Variants in ROR1 observed in about 807,000 individuals in gnomAD.
ROR1 encodes the protein ROR family WNT receptor 1, also known as inactive tyrosine-protein kinase transmembrane receptor ROR1.
In ROR1, 19 loss-of-function variants were observed where a neutral mutation model predicts 78.8. The ratio of observed to expected loss-of-function variants is 0.24; its 90% CI spans 0.17 to 0.35. The LOEUF (loss-of-function observed/expected upper bound fraction) is 0.35, where lower values mean the gene tolerates loss of function less well. ROR1 is among the 10% of genes least tolerant of loss of function. ROR1 has a pLI of 1.00. For synonymous variants in ROR1, 386 were observed against 433.6 expected (o/e 0.89, Z 1.36); for missense variants, 917 against 1,177.8 (o/e 0.78, Z 3.24).
intron 1 of ROR1, among the ~76,000 whole-genome samples, chr1:63,851,692 A>C (rs567586423): frequency 6.6e-6 from 1 of 152,232 alleles, no homozygotes; most frequent in Non-Finnish European, 1.5e-5. Context: ...AATAATAAGC[A>C]TATGCAAACA....
At chr1:63,989,198 T>A (rs1191158925) in intron 1 of ROR1, among the ~76,000 whole-genome samples, 2 of 151,216 alleles carry the variant, frequency 1.3e-5, no homozygotes, top group Non-Finnish European at 2.9e-5. Flanking sequence ...TCTTTAGCGT[T>A]GTAATGGCAT....
chr1:63,811,756 A>G (rs1644860983), intron 1 of ROR1, among the ~76,000 whole-genome samples: 1 of 152,050 alleles, frequency 6.6e-6, no homozygotes, highest in Non-Finnish European at 1.5e-5. Flanking sequence ...TATGACATTG[A>G]TAAGCTAAGG....
chr1:63,933,879 C>T lies in ROR1; in HGVS notation c.92-75426C>T, dbSNP rs368496331. Among the ~76,000 whole-genome samples the T allele has an allele frequency of 2.1e-4, 32 of 152,252 alleles. No individual in the cohort carries two copies. In the East Asian group the frequency reaches 2.9e-3, roughly 14 times the overall value. ...AACATACAAGACCCAGAGCAAGTTC[C>T]GCACCTTCGTGTCTGGATGTGGGGT... On this transcript the variant is annotated intron_variant, in intron 1 of 8. Coordinates refer to ENST00000371079, the MANE Select transcript of ROR1 (RefSeq NM_005012.4).
chr1:64,020,927 A>T (rs1271594490), intron 2 of ROR1, among the ~76,000 whole-genome samples: 1 of 151,980 alleles, frequency 6.6e-6, no homozygotes, highest in Non-Finnish European at 1.5e-5. Flanking sequence ...CTCACTAATC[A>T]TCTCTTTAGT....
intron 4 of ROR1, among the ~76,000 whole-genome samples, chr1:64,122,927 A>C (rs1212768039): frequency 6.6e-6 from 1 of 152,160 alleles, no homozygotes; most frequent in African/African-American, 2.4e-5. Flanking sequence ...TTGACCAGTA[A>C]GAGGGAAGAA....
At chr1:63,954,907 G>A (rs961753513) in intron 1 of ROR1, among the ~76,000 whole-genome samples, 4 of 152,118 alleles carry the variant, frequency 2.6e-5, no homozygotes, top group South Asian at 4.2e-4. Context: ...TTCCATTATG[G>A]CAATGGAGAA....
chr1:63,911,380 G>A (rs1280577046), intron 1 of ROR1, among the ~76,000 whole-genome samples: 3 of 152,078 alleles, frequency 2.0e-5, no homozygotes, highest in South Asian at 2.1e-4. Flanking sequence ...GTTAGGAGCC[G>A]AGCCTCACAG....
intron 4 of ROR1, among the ~76,000 whole-genome samples, chr1:64,125,765 G>A (rs1358732498): frequency 6.6e-6 from 1 of 152,152 alleles, no homozygotes; most frequent in African/African-American, 2.4e-5. Flanking sequence ...TTCAAATGAG[G>A]GCTTGCTAAA....
intron 1 of ROR1, among the ~76,000 whole-genome samples, chr1:63,942,070 C>G (rs2100458040): frequency 6.6e-6 from 1 of 152,306 alleles, no homozygotes. Context: ...CCAGTGAAAC[C>G]TTTTTCTCCT....
Position 63,852,797 on chromosome 1 carries a change from A to T in ROR1, c.91+78289A>T, listed in dbSNP as rs1228847538. On this transcript the variant is annotated intron_variant, in intron 1 of 8. Transcript: ENST00000371079. ...TTCAGTCTTACCACATGTATTAACCATGGGAAACCTAGGGTGACATTTGCA... is the reference window on the plus strand; with the variant it reads ...TTCAGTCTTACCACATGTATTAACCTTGGGAAACCTAGGGTGACATTTGCA... Among the ~76,000 whole-genome samples, 5 of 152,192 alleles carry T rather than the reference A, an allele frequency of 3.3e-5. No homozygotes were observed. The South Asian group carries it at 1.0e-3, about 31-fold the overall frequency.
chr1:63,977,755 A>G (rs1274983461), intron 1 of ROR1, among the ~76,000 whole-genome samples: 1 of 152,202 alleles, frequency 6.6e-6, no homozygotes, highest in African/African-American at 2.4e-5. Flanking sequence ...TTCTGATGTT[A>G]CTTCAGGAAA....
At chr1:64,112,861 G>A (rs1181899790) in intron 4 of ROR1, among the ~76,000 whole-genome samples, 2 of 152,136 alleles carry the variant, frequency 1.3e-5, no homozygotes, top group Non-Finnish European at 1.5e-5. Context: ...CCGAATGCAA[G>A]ACCTGCATTT....
At chr1:63,815,771 G>A (rs970369782) in intron 1 of ROR1, among the ~76,000 whole-genome samples, 4 of 152,078 alleles carry the variant, frequency 2.6e-5, no homozygotes, top group African/African-American at 9.7e-5. Flanking sequence ...TCAGGGGTGA[G>A]TATGGAATCA....
intron 1 of ROR1, among the ~76,000 whole-genome samples, chr1:63,887,736 AG>A (rs1407298548): frequency 6.6e-6 from 1 of 152,218 alleles, no homozygotes; most frequent in African/African-American, 2.4e-5. Context: ...AGCTAGAAGC[AG>A]CTTTCTCCCA....
chr1:63,819,037 C>T (rs940904247), intron 1 of ROR1, among the ~76,000 whole-genome samples: 2 of 152,092 alleles, frequency 1.3e-5, no homozygotes, highest in African/African-American at 4.8e-5. Flanking sequence ...GCTACCAGAA[C>T]CTTGTAAAGA....
chr1:63,862,840 G>A (rs1003298380), intron 1 of ROR1, among the ~76,000 whole-genome samples: 4 of 152,056 alleles, frequency 2.6e-5, no homozygotes, highest in Non-Finnish European at 5.9e-5. Flanking sequence ...GTTACCGTGA[G>A]GATTAAGTGA....
At chr1:64,037,316 C>T (rs1646710381) in intron 2 of ROR1, among the ~76,000 whole-genome samples, 1 of 152,168 alleles carries the variant, frequency 6.6e-6, no homozygotes, top group African/African-American at 2.4e-5. Flanking sequence ...AAAAAATGAA[C>T]ACTTTTCAGG....
At chr1:64,074,709 C>A (rs369346356) in intron 4 of ROR1, among the ~76,000 whole-genome samples, 2 of 152,186 alleles carry the variant, frequency 1.3e-5, no homozygotes, top group Admixed American at 1.3e-4. Context: ...GATTGTGCTA[C>A]CAGTTTGGGC....
chr1:63,951,046 C>A (rs1212997621), intron 1 of ROR1, among the ~76,000 whole-genome samples: 1 of 152,156 alleles, frequency 6.6e-6, no homozygotes, highest in Non-Finnish European at 1.5e-5. Context: ...AACTTTTCAT[C>A]CTTTAGGAGC....
Sources: gnomAD v4.1 joint callset for allele counts (sites outside exome capture counted in the v4.1 genomes callset) on GRCh38, gnomAD v4.1.1 for gene constraint, MANE v1.5 for transcripts, NCBI Gene and HGNC (gene_info 2026-07-23, HGNC 2026-07-21) for gene names.